Variants in HEATR9 observed in about 807,000 individuals in gnomAD.
The protein encoded by HEATR9 is HEAT repeat containing 9.
HEATR9 carries 54 observed loss-of-function variants against 68.2 expected under a neutral mutation model. The ratio of observed to expected loss-of-function variants is 0.79; its 90% CI spans 0.64 to 0.99. The LOEUF (loss-of-function observed/expected upper bound fraction) is 0.99. Ranked by LOEUF, HEATR9 falls within the 50% of genes least tolerant of loss-of-function variation. The pLI is 0.00. For synonymous variants in HEATR9, 241 were observed against 253.5 expected (o/e 0.95, Z 0.47); for missense variants, 662 against 679.7 (o/e 0.97, Z 0.29).
Position 35,856,236 on chromosome 17 carries a change from G to C in HEATR9, c.1227-12C>G, listed in dbSNP as rs1398607884. ...GGTTCATCAGTTGTCTGTGTAGAAG[G>C]GAGTGAGTATGTTATAGTTGAATTA... On this transcript the variant is annotated splice_polypyrimidine_tract_variant and intron_variant, in intron 12 of 14. Coordinates refer to ENST00000604834, the MANE Select transcript of HEATR9 (RefSeq NM_152781.4). 5.0e-6 allele frequency: 8 copies of C among 1,614,124 alleles called. No individual in the cohort carries two copies. The highest frequency in any genetic ancestry group is 1.3e-5 in the African/African-American group (1 of 75,026).
chr17:35,861,651 C>A (rs2087996590), intron 8 of HEATR9: 1 of 585,312 alleles, frequency 1.7e-6, no homozygotes, highest in African/African-American at 1.9e-5. Flanking sequence ...CCTGGAATGT[C>A]TTCTCTCAGA....
At chr17:35,857,479 G>T (rs895823866) in intron 11 of HEATR9, among the ~76,000 whole-genome samples, 2 of 152,252 alleles carry the variant, frequency 1.3e-5, no homozygotes, top group Admixed American at 6.5e-5. Flanking sequence ...AACACCTAGG[G>T]CCGGGCGCAG....
chr17:35,863,731 A>G (rs1212465615), intron 6 of HEATR9, 172 bp from the exon 7 acceptor site: 1 of 679,938 alleles, frequency 1.5e-6, no homozygotes, highest in Non-Finnish European at 2.5e-6. Flanking sequence ...TGGAAGGAAC[A>G]ATACAGTTGG....
Position 35,859,182 on chromosome 17 carries a change from A to G in HEATR9, c.757-112T>C. 4 of 931,950 alleles carry G rather than the reference A, an allele frequency of 4.3e-6. No individual in the cohort carries two copies. In the East Asian group the frequency reaches 1.0e-4, roughly 24 times the overall value. 57.7% of individuals were successfully genotyped at this position (931,950 alleles called of 1,614,324 possible). A position where few individuals can be genotyped will look rare whatever the true frequency, so the allele number is the denominator to read the frequency against. On this transcript the variant is annotated intron_variant, in intron 8 of 14. Transcript: ENST00000604834. ...TAAAATGAATCTTGTGCATCAGATT[A>G]TTTCAACCAATTAACTTATTCTTGC...
At chr17:35,864,169 C>A (rs1323610348) in intron 6 of HEATR9, 77 bp downstream of exon 6, 1 of 1,269,148 alleles carries the variant, frequency 7.9e-7, no homozygotes, top group South Asian at 1.2e-5. Flanking sequence ...CCCCGGGGAG[C>A]CTCGTCTGTG....
chr17:35,864,047 C>T, intron 6 of HEATR9, 199 bp downstream of exon 6: 3 of 586,670 alleles, frequency 5.1e-6, no homozygotes, highest in East Asian at 2.8e-5. Flanking sequence ...TCAGATTCTT[C>T]CTTCCCTATC....
intron 7 of HEATR9, 21 bp downstream of exon 7, chr17:35,863,481 C>G (rs768315774): frequency 1.2e-6 from 2 of 1,613,050 alleles, no homozygotes; most frequent in Non-Finnish European, 1.7e-6. Context: ...AACTCCCCAC[C>G]AAGGGAGAAG....
intron 9 of HEATR9, 72 bp downstream of exon 9, chr17:35,858,816 A>G: frequency 6.5e-7 from 1 of 1,532,818 alleles, no homozygotes; most frequent in South Asian, 1.2e-5. Context: ...CCAGGATGGC[A>G]GGATCCAGAC....
At position 35,855,187 on chromosome 17, in the gene HEATR9, T is replaced by C. The variant is rs368565339; in HGVS notation, c.1589A>G (p.Gln530Arg). Reference protein sequence around the residue: ...FIAKSITKVGQKKTPAFPPCC... With the variant: ...FIAKSITKVGRKKTPAFPPCC... The stretch of plus-strand genomic sequence containing the variant: ...CGGTGGGAAAGCAGGCGTTTTCTTT[T>C]GGCCTACTTTGGTGATGGACTTTGC... Residue 530 changes from glutamine to arginine, a missense_variant, in exon 15 of 15, where the codon CAA becomes CGA. Transcript: ENST00000604834. 5.0e-6 allele frequency: 8 copies of C among 1,614,078 alleles called. No homozygotes were observed. In the African/African-American group the frequency reaches 5.3e-5, roughly 11 times the overall value.
At chr17:35,855,864 G>A in intron 13 of HEATR9, 114 bp from the exon 14 acceptor site, 1 of 891,790 alleles carries the variant, frequency 1.1e-6, no homozygotes, top group Non-Finnish European at 1.8e-6. Flanking sequence ...GGGGAGATAG[G>A]GTTTCCCAGC....
At position 35,855,154 on chromosome 17, in the gene HEATR9, G is replaced by A. The variant is rs114102494; in HGVS notation, c.1622C>T (p.Ser541Leu). The A allele has an allele frequency of 2.1e-4, 344 of 1,614,104 alleles. 2 individuals carry two copies. The African/African-American group carries it at 3.9e-3, about 18-fold the overall frequency. Residue 541 changes from serine (S) to leucine (L), a missense_variant, in exon 15 of 15, where the codon TCG becomes TTG. Physicochemically the swap from Ser to Leu is moderately radical, Grantham distance 145. Transcript: ENST00000604834. Reference sequence around the variant, plus strand: ...CTGTGGCCTATGTTTTCGTGGTTTCGAGCAGCACGGTGGGAAAGCAGGCGT... The same window carrying A: ...CTGTGGCCTATGTTTTCGTGGTTTCAAGCAGCACGGTGGGAAAGCAGGCGT... ...KKTPAFPPCCSKPRKHRPQVI... is the reference protein window; with the variant it reads ...KKTPAFPPCCLKPRKHRPQVI...
intron 2 of HEATR9, among the ~76,000 whole-genome samples, 180 bp downstream of exon 2, chr17:35,866,544 C>T (rs1598608453): frequency 6.6e-6 from 1 of 152,258 alleles, no homozygotes; most frequent in South Asian, 2.1e-4. Context: ...AGGGGTTAGC[C>T]TGGGACACAG....
intron 8 of HEATR9, chr17:35,861,678 C>T: frequency 1.8e-6 from 1 of 549,126 alleles, no homozygotes; most frequent in Non-Finnish European, 3.3e-6. Flanking sequence ...TAAGGCTAAC[C>T]CACTCACTTT....
rs1303863518 is a variant in HEATR9 at position 35,866,752 on chromosome 17, G to T, written c.110C>A (p.Pro37His). Residue 37 changes from proline (P) to histidine (H), a missense_variant, in exon 2 of 15, where the codon CCT (proline) becomes CAT (histidine). Transcript: ENST00000604834. ...KTKELRKAMAPVHLPLSCYQM... is the reference protein window; with the variant it reads ...KTKELRKAMAHVHLPLSCYQM... ...GTAGCAGGACAAGGGCAGATGAACA[G>T]GAGCCATGGCTTTTCTGAGTTCTGG... The T allele has an allele frequency of 1.2e-6, 2 of 1,614,112 alleles. No homozygotes were observed. The highest frequency in any genetic ancestry group is 2.7e-5 in the African/African-American group (2 of 75,022).
Position 35,864,818 on chromosome 17 carries a change from A to C in HEATR9, c.393T>G (p.Ser131=), listed in dbSNP as rs1199068637. 6.2e-7 allele frequency: 1 copy of C among 1,614,100 alleles called. No individual in the cohort carries two copies. The highest frequency in any genetic ancestry group is 8.5e-7 in the Non-Finnish European group (1 of 1,179,970). The change falls in exon 4 of 15, where the codon TCT becomes TCG. Residue 131 remains serine (S), a synonymous_variant. Coordinates refer to ENST00000604834, the MANE Select transcript of HEATR9 (RefSeq NM_152781.4). ...GCTCTAAGGGCCTGGATCGCATCTC[A>C]GATTTTATAGTCAGCTTGCTCATTG... ...HLPMSKLTIK[S]EMRSRPLEPT... is the part of the protein sequence containing the mutation.
intron 11 of HEATR9, among the ~76,000 whole-genome samples, 170 bp from the exon 12 acceptor site, chr17:35,856,975 G>C (rs1383501656): frequency 6.8e-6 from 1 of 146,526 alleles, no homozygotes; most frequent in African/African-American, 2.5e-5. Flanking sequence ...TTATAATACT[G>C]TGTAGGGGTA....
In HEATR9 at chr17:35,868,803, G is replaced by T. The variant is rs1419480692; in HGVS notation, c.-61C>A. 2.0e-6 allele frequency: 3 copies of T among 1,469,246 alleles called. No individual in the cohort carries two copies. The highest frequency in any genetic ancestry group is 1.1e-5 in the South Asian group (1 of 87,672). 91.0% of individuals were successfully genotyped at this position (1,469,246 alleles called of 1,614,324 possible). ...GGGGGAATACAAGGCTTTTAGGGGA[G>T]TGGGGGCACAGCTGGAGGAGACCTG... On this transcript the variant is annotated 5_prime_UTR_variant, in exon 1 of 15. Transcript: ENST00000604834.
At chr17:35,862,207 G>A (rs978661784) in intron 8 of HEATR9, among the ~76,000 whole-genome samples, 2 of 152,016 alleles carry the variant, frequency 1.3e-5, no homozygotes, top group African/African-American at 2.4e-5. Flanking sequence ...TGGTTATTAT[G>A]TGTCTCCCCC....
intron 11 of HEATR9, among the ~76,000 whole-genome samples, 196 bp downstream of exon 11, chr17:35,858,004 G>T (rs1200884667): frequency 6.6e-6 from 1 of 152,166 alleles, no homozygotes; most frequent in East Asian, 1.9e-4. Context: ...TAGAAGGAAG[G>T]ATGACTCAGA....
Sources: allele counts gnomAD v4.1 joint callset (sites outside exome capture counted in the v4.1 genomes callset), GRCh38; gene constraint gnomAD v4.1.1; transcripts MANE v1.5; gene names NCBI Gene and HGNC (gene_info 2026-07-23, HGNC 2026-07-21).